Variants in KLF8 observed in about 807,000 individuals in gnomAD.
The protein encoded by KLF8 is Krueppel-like factor 8.
Under a neutral mutation model 18.2 loss-of-function variants are expected in KLF8, and 10 were observed. That is an observed-to-expected ratio of 0.55 (90% confidence interval 0.34 to 0.93). The LOEUF (loss-of-function observed/expected upper bound fraction) is 0.93, where lower values mean the gene tolerates loss of function less well. Ranked by LOEUF, KLF8 falls within the 40% of genes least tolerant of loss-of-function variation. The pLI, the probability that KLF8 is intolerant of heterozygous loss-of-function variation, is 0.02. For synonymous variants in KLF8, 109 were observed against 97.3 expected (o/e 1.12, Z -0.71); for missense variants, 264 against 277.9 (o/e 0.95, Z 0.36).
At chrX:56,018,255 G>C in the KLF8 span, among the ~76,000 whole-genome samples, 1 of 110,163 alleles carries the variant, frequency 9.1e-6, no homozygotes, top group Non-Finnish European at 1.9e-5. Flanking sequence ...AATCAGTTGT[G>C]TAGCTTCCAC....
the KLF8 span, among the ~76,000 whole-genome samples, chrX:56,061,580 C>T: frequency 9.0e-6 from 1 of 111,231 alleles, no homozygotes; most frequent in African/African-American, 3.3e-5. Context: ...TGTTTTACTT[C>T]CAATTATGTC....
chrX:56,179,796 T>A, the KLF8 span, among the ~76,000 whole-genome samples: 1 of 111,986 alleles, frequency 8.9e-6, no homozygotes. Flanking sequence ...ATTACATTCA[T>A]CGATTTGGGT....
the KLF8 span, among the ~76,000 whole-genome samples, chrX:56,182,276 G>A: frequency 1.8e-3 from 200 of 111,998 alleles, no homozygotes; most frequent in African/African-American, 6.0e-3. Flanking sequence ...TTGTGCATTC[G>A]TCACGTAGTT....
At chrX:55,926,488 T>G in the KLF8 span, among the ~76,000 whole-genome samples, 1 of 110,740 alleles carries the variant, frequency 9.0e-6, no homozygotes, top group African/African-American at 3.3e-5. Context: ...CTGATTACAC[T>G]AGTCTGTGTA....
At chrX:56,249,490 C>A (rs1368682935) in intron 1 of KLF8, among the ~76,000 whole-genome samples, 3 of 111,756 alleles carry the variant, frequency 2.7e-5, no homozygotes, top group African/African-American at 9.7e-5. Flanking sequence ...TTTAAGCTAA[C>A]CTTAATTTAA....
chrX:56,048,765 C>G, the KLF8 span, among the ~76,000 whole-genome samples: 1 of 111,387 alleles, frequency 9.0e-6, no homozygotes, highest in African/African-American at 3.3e-5. Flanking sequence ...TTTTTTGGTT[C>G]CATATGAACT....
intron 5 of KLF8, among the ~76,000 whole-genome samples, chrX:56,280,474 G>A (rs2067186136): frequency 8.9e-6 from 1 of 112,179 alleles, no homozygotes; most frequent in Non-Finnish European, 1.9e-5. Context: ...GGACTCAAGT[G>A]ATCCTCCCGC....
the KLF8 span, among the ~76,000 whole-genome samples, chrX:55,920,520 A>C: frequency 1.8e-5 from 2 of 111,383 alleles, no homozygotes; most frequent in African/African-American, 6.5e-5. Flanking sequence ...TAAATCAAAA[A>C]CATGATACAG....
chrX:55,946,690 T>C, the KLF8 span, among the ~76,000 whole-genome samples: 1 of 110,698 alleles, frequency 9.0e-6, no homozygotes, highest in African/African-American at 3.3e-5. Flanking sequence ...ACCATGAGAG[T>C]GAACAGGCAA....
the KLF8 span, among the ~76,000 whole-genome samples, chrX:55,956,277 C>T: frequency 9.0e-6 from 1 of 110,754 alleles, no homozygotes; most frequent in African/African-American, 3.3e-5. Flanking sequence ...AATTCAAAGA[C>T]ATTTTGTTTA....
the KLF8 span, among the ~76,000 whole-genome samples, chrX:56,186,217 G>A: frequency 9.0e-6 from 1 of 111,147 alleles, no homozygotes; most frequent in African/African-American, 3.3e-5. Context: ...AAAGGCAGGG[G>A]TTGCAATCCT....
chrX:56,135,273 TAAC>T, the KLF8 span, among the ~76,000 whole-genome samples: 1 of 111,625 alleles, frequency 9.0e-6, no homozygotes, highest in Non-Finnish European at 1.9e-5. Flanking sequence ...GCAGCACTAT[TAAC>T]AATAGCAAAG....
At chrX:56,154,259 T>C in the KLF8 span, among the ~76,000 whole-genome samples, 7 of 111,190 alleles carry the variant, frequency 6.3e-5, no homozygotes, top group Admixed American at 1.9e-4. Context: ...AACAGAGATA[T>C]AGACCAATGG....
the KLF8 span, among the ~76,000 whole-genome samples, chrX:56,128,924 A>C: frequency 1.8e-5 from 2 of 109,295 alleles, no homozygotes; most frequent in South Asian, 4.1e-4. Flanking sequence ...CTGTGAACAC[A>C]TGAAAATTGA....
chrX:56,217,147 C>T, the KLF8 span, among the ~76,000 whole-genome samples: 1 of 111,783 alleles, frequency 8.9e-6, no homozygotes, highest in South Asian at 3.7e-4. Context: ...ATATGTGCTG[C>T]CTACTTGGAG....
the KLF8 span, among the ~76,000 whole-genome samples, chrX:56,126,910 G>A: frequency 9.2e-6 from 1 of 108,468 alleles, no homozygotes; most frequent in East Asian, 2.9e-4. Context: ...CTACCACCAC[G>A]CCTGGCTAAT....
the KLF8 span, among the ~76,000 whole-genome samples, chrX:56,019,476 G>T: frequency 4.4e-5 from 5 of 112,505 alleles, no homozygotes; most frequent in Admixed American, 9.4e-5. Flanking sequence ...TTAACATTCA[G>T]TTGATGTATT....
chrX:56,185,209 G>C, the KLF8 span, among the ~76,000 whole-genome samples: 1 of 112,274 alleles, frequency 8.9e-6, no homozygotes, highest in Non-Finnish European at 1.9e-5. Context: ...GCCAAGACTG[G>C]AGAACTACGT....
At chrX:56,059,243 TGG>T in the KLF8 span, among the ~76,000 whole-genome samples, 1 of 112,268 alleles carries the variant, frequency 8.9e-6, no homozygotes, top group Non-Finnish European at 1.9e-5. Flanking sequence ...TTGTAGATTC[TGG>T]ATATTAGCCC....
Sources: allele counts gnomAD v4.1 joint callset (sites outside exome capture counted in the v4.1 genomes callset), GRCh38; gene constraint gnomAD v4.1.1; transcripts MANE v1.5; gene names NCBI Gene and HGNC (gene_info 2026-07-23, HGNC 2026-07-21).